The following IQGAP2 variants were observed in gnomAD, a reference collection of about 807,000 sequenced individuals.
IQGAP2 encodes IQ motif containing GTPase activating protein 2, also known as ras GTPase-activating-like protein IQGAP2.
Under a neutral mutation model 201.3 loss-of-function variants are expected in IQGAP2, and 173 were observed. The ratio of observed to expected loss-of-function variants is 0.86; its 90% CI spans 0.76 to 0.98. IQGAP2 has a LOEUF of 0.98. IQGAP2 is among the 50% of genes least tolerant of loss of function. The pLI is 0.00. For missense variants in IQGAP2, 1,687 were observed against 1,864.8 expected (o/e 0.90, Z 1.76); for synonymous variants, 675 against 673.9 (o/e 1.00, Z -0.03).
intron 17 of IQGAP2, among the ~76,000 whole-genome samples, chr5:76,647,480 G>T (rs1752141490): frequency 1.3e-5 from 2 of 151,888 alleles, no homozygotes; most frequent in South Asian, 4.2e-4. Flanking sequence ...AATCATGGGG[G>T]CGGTTTCCCC....
chr5:76,594,827 G>A (rs1746901407), intron 9 of IQGAP2, among the ~76,000 whole-genome samples: 1 of 152,034 alleles, frequency 6.6e-6, no homozygotes, highest in Non-Finnish European at 1.5e-5. Context: ...TCAGCCAGGC[G>A]TGGTGGCGGG....
chr5:76,607,246 A>G (rs1374714861), intron 12 of IQGAP2: 6 of 152,268 alleles, frequency 3.9e-5, no homozygotes, highest in African/African-American at 1.2e-4. Flanking sequence ...GAAATAAAAC[A>G]TATGACTTTG....
At chr5:76,442,734 C>T (rs955734211) in intron 1 of IQGAP2, among the ~76,000 whole-genome samples, 2 of 152,198 alleles carry the variant, frequency 1.3e-5, no homozygotes, top group African/African-American at 2.4e-5. Context: ...CACCTGTAAT[C>T]CCAGCACTTT....
chr5:76,706,318 G>GTGTTTT (rs58225513), intron 35 of IQGAP2, among the ~76,000 whole-genome samples: 2,008 of 150,772 alleles, frequency 0.013, 22 homozygotes, highest in South Asian at 0.025. Flanking sequence ...ACTGCTTTCT[G>GTGTTTT]TGTTTTTGTT....
intron 2 of IQGAP2, among the ~76,000 whole-genome samples, chr5:76,479,962 A>G (rs1187266604): frequency 6.6e-6 from 1 of 152,128 alleles, no homozygotes; most frequent in Non-Finnish European, 1.5e-5. Flanking sequence ...TGTGTCTCCC[A>G]GGCTGGATGA....
chr5:76,538,192 A>G (rs1759737073), intron 2 of IQGAP2, among the ~76,000 whole-genome samples: 1 of 152,152 alleles, frequency 6.6e-6, no homozygotes, highest in South Asian at 2.1e-4. Context: ...CTCTTTATCA[A>G]TCCATCAGAT....
At chr5:76,577,591 C>T (rs1745555078) in intron 5 of IQGAP2, among the ~76,000 whole-genome samples, 2 of 152,196 alleles carry the variant, frequency 1.3e-5, no homozygotes, top group Non-Finnish European at 2.9e-5. Flanking sequence ...AGCTGCCTCT[C>T]ACTATGGAGC....
intron 35 of IQGAP2, among the ~76,000 whole-genome samples, chr5:76,705,648 A>G (rs1747823406): frequency 6.6e-6 from 1 of 152,248 alleles, no homozygotes; most frequent in Non-Finnish European, 1.5e-5. Flanking sequence ...AAGGACTTCA[A>G]TTCCCTATAG....
At chr5:76,699,334 A>T (rs927888565) in intron 33 of IQGAP2, 7 of 152,178 alleles carry the variant, frequency 4.6e-5, no homozygotes, top group Admixed American at 2.0e-4. Context: ...TTCTGTGTGT[A>T]TATATACCAC....
At chr5:76,450,142 G>C (rs1207168980) in intron 1 of IQGAP2, among the ~76,000 whole-genome samples, 2 of 152,110 alleles carry the variant, frequency 1.3e-5, no homozygotes, top group Non-Finnish European at 2.9e-5. Flanking sequence ...TTGCCCTAGT[G>C]GGGTAAATTC....
At chr5:76,516,866 T>A (rs1758364363) in intron 2 of IQGAP2, among the ~76,000 whole-genome samples, 1 of 152,336 alleles carries the variant, frequency 6.6e-6, no homozygotes, top group South Asian at 2.1e-4. Flanking sequence ...CTATCTTAAC[T>A]TAAAAAATTT....
At chr5:76,532,130 C>T (rs550890994) in intron 2 of IQGAP2, among the ~76,000 whole-genome samples, 8 of 152,154 alleles carry the variant, frequency 5.3e-5, no homozygotes, top group African/African-American at 1.4e-4. Context: ...CAGTTCATTG[C>T]GGGCAACCAT....
At chr5:76,653,810 T>C (rs458581) in intron 18 of IQGAP2, among the ~76,000 whole-genome samples, 74,000 of 151,992 alleles carry the variant, frequency 0.49, 18,556 homozygotes, top group Non-Finnish European at 0.56. Context: ...ATTGGATGCA[T>C]TTAAAGGGAT....
At chr5:76,510,953 C>T (rs529615217) in intron 2 of IQGAP2, among the ~76,000 whole-genome samples, 72 of 152,326 alleles carry the variant, frequency 4.7e-4, no homozygotes, top group South Asian at 1.2e-3. Flanking sequence ...AGTGTGGGAG[C>T]CTCAGTTCCA....
chr5:76,417,473 C>T (rs1359148804), intron 1 of IQGAP2, among the ~76,000 whole-genome samples: 1 of 152,090 alleles, frequency 6.6e-6, no homozygotes, highest in Non-Finnish European at 1.5e-5. Flanking sequence ...TTAGTGGAGA[C>T]AAGGTTTCAC....
chr5:76,683,115 C>T lies in IQGAP2; in HGVS notation c.3661C>T (p.Leu1221Phe). The change falls in exon 29 of 36, where the codon CTC becomes TTC. Residue 1221 changes from leucine (L) to phenylalanine (F), a missense_variant and splice_region_variant. Leu to Phe is a conservative substitution (Grantham distance 22, BLOSUM62 0). Coordinates refer to ENST00000274364, the MANE Select transcript of IQGAP2 (RefSeq NM_006633.5). ...SIEEIISTHSLLLEHQDAIAP... is the reference protein window; with the variant it reads ...SIEEIISTHSFLLEHQDAIAP... ...TGTGTGTGTTGCTTTCTACATAAAG[C>T]TCCTGTTGGAACACCAGGATGCAAT... 1 of 1,592,754 alleles carries T rather than the reference C, an allele frequency of 6.3e-7. No homozygotes were observed. The highest frequency in any genetic ancestry group is 8.6e-7 in the Non-Finnish European group (1 of 1,163,552).
chr5:76,613,569 T>C (rs113946386), intron 13 of IQGAP2, among the ~76,000 whole-genome samples: 3,263 of 152,156 alleles, frequency 0.021, 83 homozygotes, highest in East Asian at 0.099. Context: ...TATGTGCACG[T>C]GTTTGTGTAG....
At chr5:76,440,569 C>G (rs1752969226) in intron 1 of IQGAP2, among the ~76,000 whole-genome samples, 1 of 152,002 alleles carries the variant, frequency 6.6e-6, no homozygotes, top group South Asian at 2.1e-4. Context: ...TTACAAATAC[C>G]AGAACTTACT....
At chr5:76,607,178 G>A (rs1418594983) in intron 12 of IQGAP2, 1 of 152,180 alleles carries the variant, frequency 6.6e-6, no homozygotes, top group Non-Finnish European at 1.5e-5. Flanking sequence ...GTTTGGGTAA[G>A]GTCTTAGGTC....
Sources: gnomAD v4.1 joint callset for allele counts (sites outside exome capture counted in the v4.1 genomes callset) on GRCh38, gnomAD v4.1.1 for gene constraint, MANE v1.5 for transcripts, NCBI Gene and HGNC (gene_info 2026-07-23, HGNC 2026-07-21) for gene names.